The following TMEM53 variants were observed in gnomAD, a reference collection of about 807,000 sequenced individuals.
TMEM53 encodes transmembrane protein 53.
A neutral mutation model predicts 21.4 loss-of-function variants in TMEM53; 14 were observed. That is an observed-to-expected ratio of 0.65 (90% CI 0.43 to 1.02). TMEM53 has a LOEUF of 1.02. TMEM53 is among the 50% of genes least tolerant of loss of function. The pLI is 0.00. For missense variants in TMEM53, 323 were observed against 383.6 expected, an observed-to-expected ratio of 0.84 and a Z score of 1.32; for synonymous variants, 148 against 157.4, an observed-to-expected ratio of 0.94 and a Z score of 0.45.
chr1:44,668,767 T>A (rs1644971087), intron 1 of TMEM53, among the ~76,000 whole-genome samples: 1 of 152,216 alleles, frequency 6.6e-6, no homozygotes, highest in South Asian at 2.1e-4. Flanking sequence ...GGTCTCAAAT[T>A]CTTGGGCTCA....
At chr1:44,672,491 G>A (rs1479119264) in intron 1 of TMEM53, among the ~76,000 whole-genome samples, 1 of 152,212 alleles carries the variant, frequency 6.6e-6, no homozygotes, top group Non-Finnish European at 1.5e-5. Context: ...ATACTGAACT[G>A]AGAGCGGAAA....
At position 44,654,675 on chromosome 1, in the gene TMEM53, C is replaced by T. The variant is rs151044389; in HGVS notation, c.718G>A (p.Val240Ile). Reference sequence around the variant, plus strand: ...ACGAAATCCACAGAACGCGCCAGGACCCGGCGTGCCAGGCGTGCCTCCACC... The same window carrying T: ...ACGAAATCCACAGAACGCGCCAGGATCCGGCGTGCCAGGCGTGCCTCCACC... ...RMVEARLARRVLARSVDFVSS... is the reference protein window; with the variant it reads ...RMVEARLARRILARSVDFVSS... The change falls in exon 3 of 3, where the codon GTC becomes ATC. Residue 240 changes from valine (V) to isoleucine (I), a missense_variant. By Grantham distance (29) the Val-to-Ile change is conservative. Transcript: ENST00000372237. This position sits in a 1 kb window ranked among gnomAD's most constrained non-coding sequence, Gnocchi z 7.0. The T allele has an allele frequency of 9.3e-6, 15 of 1,614,168 alleles. No individual in the cohort carries two copies. The highest frequency in any genetic ancestry group is 2.2e-5 in the East Asian group (1 of 44,888).
intron 1 of TMEM53, 47 bp downstream of exon 1, chr1:44,674,284 T>G (rs746964461): frequency 9.6e-5 from 151 of 1,576,076 alleles, no homozygotes; most frequent in Admixed American, 1.5e-4. Flanking sequence ...AACCCACAGG[T>G]TCATGAGGTC....
In TMEM53 at chr1:44,654,733, G is replaced by A. The variant is rs143471064; in HGVS notation, c.660C>T (p.Asp220=). Residue 220 remains aspartate, a synonymous_variant, in exon 3 of 3, where the codon GAC becomes GAT. Coordinates refer to ENST00000372237, the MANE Select transcript of TMEM53 (RefSeq NM_024587.4). This position sits in a 1 kb window ranked among gnomAD's most constrained non-coding sequence, Gnocchi z 7.0. ...CTATGTCTCTGGCCAGGACTACTTCGTCAGCCCTCGAGTAGAGGTAGAGCT... is the reference window on the plus strand; with the variant it reads ...CTATGTCTCTGGCCAGGACTACTTCATCAGCCCTCGAGTAGAGGTAGAGCT... ...WPELYLYSRA[D]EVVLARDIER... The A allele has an allele frequency of 3.8e-5, 61 of 1,614,088 alleles. No homozygotes were observed. Among genetic ancestry groups the A allele is most frequent in the Admixed American group, 2.0e-4 (12 of 60,026 alleles).
chr1:44,662,016 T>C (rs1644906520), intron 1 of TMEM53, among the ~76,000 whole-genome samples: 2 of 152,250 alleles, frequency 1.3e-5, no homozygotes, highest in Admixed American at 1.3e-4. Context: ...GCCACTTGGC[T>C]ATGCTCAGCT....
In TMEM53 at chr1:44,655,340, G is replaced by GGGT; in HGVS notation, c.184-134_184-132dup. On this transcript the variant is annotated intron_variant, in intron 2 of 2. Coordinates refer to ENST00000372237, the MANE Select transcript of TMEM53 (RefSeq NM_024587.4). The surrounding 1 kb of genome is among the most constrained non-coding windows in gnomAD (Gnocchi z 4.4). ...GGGCCCACAGCGTCAGCAATGCTCT[G>GGGT]GGTCCTGCTTCAGCCTGAGCCCACC... 1.1e-6 allele frequency: 1 copy of GGGT among 935,150 alleles called. No homozygotes were observed. Among genetic ancestry groups the GGGT allele is most frequent in the Admixed American group, 3.0e-5 (1 of 33,092 alleles). 57.9% of individuals were successfully genotyped at this position (935,150 alleles called of 1,614,324 possible). A position where few individuals can be genotyped will look rare whatever the true frequency, so the allele number is the denominator to read the frequency against.
In TMEM53 at chr1:44,654,743, GA is replaced by G. The variant is rs1644831519; in HGVS notation, c.649del (p.Ser217ArgfsTer6). On this transcript the variant is annotated frameshift_variant, in exon 3 of 3. Transcript: ENST00000372237. LOFTEE classifies it high-confidence loss of function. This position sits in a 1 kb window ranked among gnomAD's most constrained non-coding sequence, Gnocchi z 7.0. ...GSRWPELYLYSRADEVVLARD... is the reference protein window; with the variant it reads ...GSRWPELYLYXRADEVVLARD... ...GGCCAGGACTACTTCGTCAGCCCTC[GA>G]GTAGAGGTAGAGCTCGGGCCAGCGA... 6.2e-7 allele frequency: 1 copy of G among 1,613,954 alleles called. No individual in the cohort carries two copies. The highest frequency in any genetic ancestry group is 8.5e-7 in the Non-Finnish European group (1 of 1,180,042).
rs1644844544 is a variant in TMEM53 at position 44,655,815 on chromosome 1, T to A, written c.184-606A>T. Among the ~76,000 whole-genome samples the A allele has an allele frequency of 6.6e-6, 1 of 151,938 alleles. No homozygotes were observed. The highest frequency in any genetic ancestry group is 1.5e-5 in the Non-Finnish European group (1 of 67,990). ...CTCTCCCAGGCTCCTAAAAACAGAG[T>A]CCATACTCTCTGGACTCAGGGACCT... is the stretch of plus-strand genomic sequence containing the variant. On this transcript the variant is annotated intron_variant, in intron 2 of 2. Coordinates refer to ENST00000372237, the MANE Select transcript of TMEM53 (RefSeq NM_024587.4). The surrounding 1 kb of genome is among the most constrained non-coding windows in gnomAD (Gnocchi z 4.4).
intron 1 of TMEM53, chr1:44,674,050 C>G: frequency 9.1e-6 from 9 of 985,434 alleles, no homozygotes; most frequent in Non-Finnish European, 1.1e-5. Context: ...GATTAAAGGG[C>G]ATGGACCTGA....
At chr1:44,659,739 G>T (rs918210912) in intron 2 of TMEM53, among the ~76,000 whole-genome samples, 1 of 152,168 alleles carries the variant, frequency 6.6e-6, no homozygotes, top group African/African-American at 2.4e-5. Flanking sequence ...GGAATGCAGG[G>T]AGGAAGGAAG....
At chr1:44,660,723 G>A (rs899470461) in intron 1 of TMEM53, among the ~76,000 whole-genome samples, 3 of 151,856 alleles carry the variant, frequency 2.0e-5, no homozygotes, top group Admixed American at 1.3e-4. Context: ...GGTGGCTCAC[G>A]CCTGTAATCC....
intron 1 of TMEM53, among the ~76,000 whole-genome samples, chr1:44,673,121 G>A (rs1038106386): frequency 1.3e-5 from 2 of 152,198 alleles, no homozygotes; most frequent in African/African-American, 4.8e-5. Flanking sequence ...ACGCCAAAAC[G>A]TGTCCAAAGT....
Position 44,654,878 on chromosome 1 carries a change from A to T in TMEM53, c.515T>A (p.Leu172Ter). The T allele has an allele frequency of 6.2e-7, 1 of 1,612,770 alleles. No homozygotes were observed. Among genetic ancestry groups the T allele is most frequent in the Non-Finnish European group, 8.5e-7 (1 of 1,179,798 alleles). Residue 172 changes from leucine to a stop codon, truncating the protein, a stop_gained, in exon 3 of 3, where the codon TTG (leucine) becomes TAG (stop). Transcript: ENST00000372237. LOFTEE classifies it high-confidence loss of function. This position sits in a 1 kb window ranked among gnomAD's most constrained non-coding sequence, Gnocchi z 7.0. ...CACCAGGGCAAAGGCCACCAGCAGC[A>T]ACAGGCGCAGCATGGCGGCCCGGCG... Reference protein sequence around the residue: ...LERRAAMLRLLLLVAFALVVV... With the variant: ...LERRAAMLRL
chr1:44,674,266 G>C (rs1645058692), intron 1 of TMEM53, 65 bp downstream of exon 1: 9 of 1,543,564 alleles, frequency 5.8e-6, no homozygotes, highest in Non-Finnish European at 7.9e-6. Context: ...GGCTACAGCT[G>C]CGCTCGCAAC....
intron 1 of TMEM53, among the ~76,000 whole-genome samples, chr1:44,661,511 A>G (rs1034819088): frequency 6.6e-6 from 1 of 151,912 alleles, no homozygotes; most frequent in Non-Finnish European, 1.5e-5. Context: ...GGGAACAAGA[A>G]AGTCTTAAAA....
chr1:44,667,837 G>A (rs1210699279), intron 1 of TMEM53, among the ~76,000 whole-genome samples: 3 of 152,140 alleles, frequency 2.0e-5, no homozygotes, highest in Non-Finnish European at 4.4e-5. Context: ...AAGCCCCTCA[G>A]CAATGTGGAA....
Position 44,654,981 on chromosome 1 carries a change from C to T in TMEM53, c.412G>A (p.Val138Met). ...GGAGCGCTGTCAAAGATGGTGCCCA[C>T]CACACGCAGGCGGCAGAAGCGACGG... ...QTRRFCRLRVVGTIFDSAPGD... is the reference protein window; with the variant it reads ...QTRRFCRLRVMGTIFDSAPGD... Residue 138 changes from valine to methionine, a missense_variant, in exon 3 of 3, where the codon GTG becomes ATG. Transcript: ENST00000372237. The surrounding 1 kb of genome is among the most constrained non-coding windows in gnomAD (Gnocchi z 7.0). The T allele has an allele frequency of 6.2e-7, 1 of 1,613,956 alleles. No homozygotes were observed. The highest frequency in any genetic ancestry group is 8.5e-7 in the Non-Finnish European group (1 of 1,179,892).
intron 1 of TMEM53, among the ~76,000 whole-genome samples, chr1:44,663,069 T>G (rs1182782193): frequency 1.3e-5 from 2 of 152,220 alleles, no homozygotes; most frequent in Non-Finnish European, 2.9e-5. Flanking sequence ...TCTTTATTTT[T>G]GGAGATAGGG....
At position 44,664,148 on chromosome 1, in the gene TMEM53, T is replaced by C. The variant is rs1416304273; in HGVS notation, c.62-3853A>G. Reference sequence around the variant, plus strand: ...GCCTGGGTGACAGAATGAGACCTTATTATAAAAAAAAAAAAAAAAAAGCCA... The same window carrying C: ...GCCTGGGTGACAGAATGAGACCTTACTATAAAAAAAAAAAAAAAAAAGCCA... On this transcript the variant is annotated intron_variant, in intron 1 of 2. Transcript: ENST00000372237. Among the ~76,000 whole-genome samples the C allele has an allele frequency of 2.4e-5, 3 of 125,408 alleles. No individual in the cohort carries two copies. The Admixed American group carries it at 2.4e-4, about 10-fold the overall frequency. The allele number at this position is 125,408 out of a possible 152,430, so 82.3% of individuals were successfully genotyped here.
Sources: gnomAD v4.1 joint callset for allele counts (sites outside exome capture counted in the v4.1 genomes callset) on GRCh38, gnomAD v4.1.1 for gene constraint, Gnocchi (gnomAD v3.1) non-coding constraint, MANE v1.5 for transcripts, NCBI Gene and HGNC (gene_info 2026-07-23, HGNC 2026-07-21) for gene names.